The following RP1L1 variants were observed in gnomAD, a reference collection of about 807,000 sequenced individuals.
The protein encoded by RP1L1 is retinitis pigmentosa 1-like 1 protein.
Under a neutral mutation model 15.7 loss-of-function variants are expected in RP1L1, and 27 were observed. The observed-to-expected ratio is 1.72, with a 90% confidence interval of 1.27 to 2.38. The LOEUF (loss-of-function observed/expected upper bound fraction) is 2.38. RP1L1 is among the 30% of genes most tolerant of loss of function. The pLI is 0.00. For synonymous variants in RP1L1, 1,813 were observed against 1,276.7 expected (o/e 1.42, Z -8.96); for missense variants, 4,798 against 3,075.9 (o/e 1.56, Z -13.24).
rs1798235808 is a variant in RP1L1 at position 10,631,199 on chromosome 8, A to AG, written c.-19-7980_-19-7979insC. Reference sequence around the variant, plus strand: ...ATGTTGTCATGGCAACAGCACCTGCAAAAACACACACACACACACACACAA... The same window carrying AG: ...ATGTTGTCATGGCAACAGCACCTGCAGAAAACACACACACACACACACACAA... On this transcript the variant is annotated intron_variant, in intron 1 of 3. Transcript: ENST00000382483. 1.3e-4 allele frequency among the ~76,000 whole-genome samples: 7 copies of AG among 55,072 alleles called. No individual in the cohort carries two copies. In the South Asian group the frequency reaches 5.4e-3, roughly 43 times the overall value. The allele number at this position is 55,072 out of a possible 152,430, so 36.1% of individuals were successfully genotyped here.
In RP1L1 at chr8:10,626,378, C is replaced by A. The variant is rs144225033; in HGVS notation, c.-19-3158G>T. ...CTGATCAATATCACACGCGGATCAC[C>A]GAAAGAAGCCGAGCATGATGGGAAG... On this transcript the variant is annotated intron_variant, in intron 1 of 3. Coordinates refer to ENST00000382483, the MANE Select transcript of RP1L1 (RefSeq NM_178857.6). 2.6e-4 allele frequency among the ~76,000 whole-genome samples: 39 copies of A among 152,260 alleles called. No homozygotes were observed. The East Asian group carries it at 7.4e-3, about 29-fold the overall frequency.
intron 1 of RP1L1, among the ~76,000 whole-genome samples, chr8:10,624,227 C>T (rs553878482): frequency 4.5e-4 from 68 of 152,320 alleles, no homozygotes; most frequent in African/African-American, 1.6e-3. Flanking sequence ...GATTTCTGAG[C>T]ATCTATTGCA....
intron 2 of RP1L1, among the ~76,000 whole-genome samples, chr8:10,622,052 T>C (rs1798067933): frequency 6.6e-6 from 1 of 152,178 alleles, no homozygotes; most frequent in African/African-American, 2.4e-5. Flanking sequence ...CTGGGCATGG[T>C]GGCTCATGCC....
chr8:10,642,829 T>C (rs1798426407), intron 1 of RP1L1, among the ~76,000 whole-genome samples: 1 of 152,120 alleles, frequency 6.6e-6, no homozygotes, highest in South Asian at 2.1e-4. Context: ...TAGAAAGCTC[T>C]GGAGAAACTT....
chr8:10,631,203 AC>A (rs757324150), intron 1 of RP1L1, among the ~76,000 whole-genome samples: 7 of 5,038 alleles, frequency 1.4e-3, no homozygotes, highest in Non-Finnish European at 2.5e-3. Context: ...ACCTGCAAAA[AC>A]ACACACACAC....
Position 10,612,988 on chromosome 8 carries a change from CTCCCACA to C in RP1L1, c.1103_1109del (p.Val368GlyfsTer120). On this transcript the variant is annotated frameshift_variant, in exon 4 of 4. Transcript: ENST00000382483. LOFTEE classifies it low-confidence loss of function (END_TRUNC). Reference sequence around the variant, plus strand: ...GCTCTGAGAAGCCCCAAGGGTAGCCCTCCCACACACAGCAGAGGGGGTCTACCTCCCC... The same window carrying C: ...GCTCTGAGAAGCCCCAAGGGTAGCCCCACAGCAGAGGGGGTCTACCTCCCC... 1 of 1,613,322 alleles carries C rather than the reference CTCCCACA, an allele frequency of 6.2e-7. No individual in the cohort carries two copies. Among genetic ancestry groups the C allele is most frequent in the African/African-American group, 1.3e-5 (1 of 75,070 alleles).
At chr8:10,653,087 T>C (rs1342778269) in intron 1 of RP1L1, among the ~76,000 whole-genome samples, 1 of 152,180 alleles carries the variant, frequency 6.6e-6, no homozygotes, top group Non-Finnish European at 1.5e-5. Context: ...ACAGAGTGGT[T>C]GCTCAAGAGA....
At chr8:10,654,584 A>G (rs1798610676) in intron 1 of RP1L1, among the ~76,000 whole-genome samples, 1 of 152,116 alleles carries the variant, frequency 6.6e-6, no homozygotes, top group Non-Finnish European at 1.5e-5. Flanking sequence ...CTCTGACTCC[A>G]GCGACTGCAT....
At chr8:10,635,879 C>A (rs1798321442) in intron 1 of RP1L1, among the ~76,000 whole-genome samples, 1 of 152,204 alleles carries the variant, frequency 6.6e-6, no homozygotes, top group Non-Finnish European at 1.5e-5. Context: ...ATGCCTGGAG[C>A]CAGCAGACAC....
intron 1 of RP1L1, among the ~76,000 whole-genome samples, chr8:10,626,194 G>T (rs916729204): frequency 2.5e-4 from 38 of 152,110 alleles, no homozygotes; most frequent in African/African-American, 8.9e-4. Context: ...CTGGCAGCGG[G>T]CGCAGGCAGC....
intron 2 of RP1L1, among the ~76,000 whole-genome samples, chr8:10,622,207 G>A (rs1265869745): frequency 6.6e-6 from 1 of 151,936 alleles, no homozygotes; most frequent in African/African-American, 2.4e-5. Flanking sequence ...TGTAATCCCA[G>A]CTACTCAGAG....
At position 10,612,600 on chromosome 8, in the gene RP1L1, C is replaced by G. The variant is rs1797886022; in HGVS notation, c.1498G>C (p.Gly500Arg). ...GAERKAGGSL[G>R]EDPGLCIDGA... ...TCTATGCATAGGCCGGGGTCCTCACCCAGGCTCCCTCCAGCTTTCCGCTCA... is the reference window on the plus strand; with the variant it reads ...TCTATGCATAGGCCGGGGTCCTCACGCAGGCTCCCTCCAGCTTTCCGCTCA... Residue 500 changes from glycine to arginine, a missense_variant, in exon 4 of 4, where the codon GGT (glycine) becomes CGT (arginine). By Grantham distance (125) the Gly-to-Arg change is moderately radical. Coordinates refer to ENST00000382483, the MANE Select transcript of RP1L1 (RefSeq NM_178857.6). 4 of 1,602,734 alleles carry G rather than the reference C, an allele frequency of 2.5e-6. No homozygotes were observed. The highest frequency in any genetic ancestry group is 3.4e-6 in the Non-Finnish European group (4 of 1,179,226).
rs993201739 is a variant in RP1L1, at chr8:10,633,460, G to C, written c.-19-10240C>G. On this transcript the variant is annotated intron_variant, in intron 1 of 3. Transcript: ENST00000382483. ...AAACCCCAAATTGCATCAGCTTCCA[G>C]CCAAACAAAACCCCGGGCAAGGACA... Among the ~76,000 whole-genome samples the C allele has an allele frequency of 3.9e-5, 6 of 152,300 alleles. No homozygotes were observed. The East Asian group carries it at 1.2e-3, about 29-fold the overall frequency.
chr8:10,649,406 T>A (rs1047005133), intron 1 of RP1L1, among the ~76,000 whole-genome samples: 2 of 152,140 alleles, frequency 1.3e-5, no homozygotes, highest in Non-Finnish European at 2.9e-5. Context: ...ATCCTCAGGA[T>A]CAAGGGCTTT....
At position 10,607,788 on chromosome 8, in the gene RP1L1, G is replaced by C; in HGVS notation, c.6310C>G (p.Pro2104Ala). The C allele has an allele frequency of 2.5e-6, 4 of 1,606,928 alleles. No homozygotes were observed. Among genetic ancestry groups the C allele is most frequent in the Non-Finnish European group, 3.4e-6 (4 of 1,176,236 alleles). ...AQPESEGVEA[P>A]EAEGEAQKAE... ...TTCTGGGCCTCCCCTTCTGCCTCTGGGGCCTCTACACCTTCTGATTCTGGC... is the reference window on the plus strand; with the variant it reads ...TTCTGGGCCTCCCCTTCTGCCTCTGCGGCCTCTACACCTTCTGATTCTGGC... The change falls in exon 4 of 4, where the codon CCA becomes GCA. Residue 2104 changes from proline to alanine, a missense_variant. Coordinates refer to ENST00000382483, the MANE Select transcript of RP1L1 (RefSeq NM_178857.6).
At chr8:10,623,528 G>C (rs1294179930) in intron 1 of RP1L1, among the ~76,000 whole-genome samples, 3 of 150,072 alleles carry the variant, frequency 2.0e-5, no homozygotes, top group African/African-American at 4.9e-5. Flanking sequence ...ATGAAACCAG[G>C]ACCACAATGT....
intron 3 of RP1L1, among the ~76,000 whole-genome samples, chr8:10,614,598 T>C (rs1196367411): frequency 6.9e-6 from 1 of 144,756 alleles, no homozygotes; most frequent in Non-Finnish European, 1.5e-5. Flanking sequence ...GAGGCGGAGG[T>C]TGCAGTGAGC....
At chr8:10,631,334 T>TGC (rs1798243318) in intron 1 of RP1L1, among the ~76,000 whole-genome samples, 1 of 13,336 alleles carries the variant, frequency 7.5e-5, no homozygotes, top group African/African-American at 1.3e-4. Flanking sequence ...CACACACACA[T>TGC]GCACACACAC....
In RP1L1 at chr8:10,611,921, G is replaced by A. The variant is rs765489789; in HGVS notation, c.2177C>T (p.Ser726Phe). 1 of 1,613,920 alleles carries A rather than the reference G, an allele frequency of 6.2e-7. No homozygotes were observed. The highest frequency in any genetic ancestry group is 2.2e-5 in the East Asian group (1 of 44,878). Residue 726 changes from serine (S) to phenylalanine (F), a missense_variant, in exon 4 of 4, where the codon TCT becomes TTT. Coordinates refer to ENST00000382483, the MANE Select transcript of RP1L1 (RefSeq NM_178857.6). ...SGNLRPPSSG[S>F]LPSQDLLGTS... The stretch of plus-strand genomic sequence containing the variant: ...TCCCAGAAGGTCCTGGGAAGGAAGA[G>A]AGCCCGAGGAGGGAGGTCTCAGGTT...
Sources: gnomAD v4.1 joint callset for allele counts (sites outside exome capture counted in the v4.1 genomes callset) on GRCh38, gnomAD v4.1.1 for gene constraint, MANE v1.5 for transcripts, NCBI Gene and HGNC (gene_info 2026-07-23, HGNC 2026-07-21) for gene names.